The following RB1CC1 variants were observed in gnomAD, a reference collection of about 807,000 sequenced individuals.
The protein encoded by RB1CC1 is RB1-inducible coiled-coil protein 1.
A neutral mutation model predicts 177.5 loss-of-function variants in RB1CC1; 46 were observed. The observed-to-expected ratio is 0.26, with a 90% confidence interval of 0.20 to 0.33. The LOEUF (loss-of-function observed/expected upper bound fraction) is 0.33, where lower values mean the gene tolerates loss of function less well. Ranked by LOEUF, RB1CC1 falls within the 10% of genes least tolerant of loss-of-function variation. The pLI, the probability that RB1CC1 is intolerant of heterozygous loss-of-function variation, is 1.00. For missense variants in RB1CC1, 1,703 were observed against 1,816.3 expected, an observed-to-expected ratio of 0.94 and a Z score of 1.13; for synonymous variants, 666 against 613.6, an observed-to-expected ratio of 1.09 and a Z score of -1.26.
rs112231052 is a variant in RB1CC1, at chr8:52,657,171, T to C, written c.2658A>G (p.Glu886=). 1.6e-5 allele frequency: 25 copies of C among 1,607,198 alleles called. No homozygotes were observed. Among genetic ancestry groups the C allele is most frequent in the Non-Finnish European group, 2.1e-5 (25 of 1,174,702 alleles). Residue 886 remains glutamate (E), a synonymous_variant, in exon 15 of 24, where the codon GAA becomes GAG. Coordinates refer to ENST00000025008, the MANE Select transcript of RB1CC1 (RefSeq NM_014781.5). ...GKLDGLIKET[E]ENENKIKKLK... ...ATTTTTTAATTTTGTTTTCATTCTC[T>C]TCAGTTTCCTTTATTAGTCCGTCAA...
intron 5 of RB1CC1, among the ~76,000 whole-genome samples, chr8:52,678,319 A>T (rs964806578): frequency 2.0e-5 from 3 of 152,194 alleles, no homozygotes; most frequent in Non-Finnish European, 4.4e-5. Context: ...GGGGAAGCTG[A>T]GGGAGGAGAA....
At chr8:52,647,867 G>GA (rs1850194372) in intron 15 of RB1CC1, among the ~76,000 whole-genome samples, 2 of 152,108 alleles carry the variant, frequency 1.3e-5, no homozygotes, top group Admixed American at 1.3e-4. Flanking sequence ...ATATTAGTAA[G>GA]AAATGTGGCA....
At chr8:52,676,992 A>G (rs1853193108) in intron 5 of RB1CC1, among the ~76,000 whole-genome samples, 1 of 152,244 alleles carries the variant, frequency 6.6e-6, no homozygotes, top group African/African-American at 2.4e-5. Flanking sequence ...CAGATTTAGT[A>G]ACCCTAAATG....
intron 5 of RB1CC1, among the ~76,000 whole-genome samples, chr8:52,680,340 C>T (rs1307741740): frequency 6.6e-6 from 1 of 152,070 alleles, no homozygotes; most frequent in African/African-American, 2.4e-5. Flanking sequence ...TGGAAGAAGA[C>T]ACGGCTGAAA....
intron 1 of RB1CC1, among the ~76,000 whole-genome samples, chr8:52,688,549 C>G (rs184557360): frequency 5.3e-5 from 8 of 152,264 alleles, no homozygotes; most frequent in African/African-American, 9.6e-5. Flanking sequence ...ACCCTGTTTT[C>G]TGTTGTTTAA....
chr8:52,628,366 T>C (rs1160781330), intron 21 of RB1CC1, among the ~76,000 whole-genome samples, 198 bp from the exon 22 acceptor site: 1 of 152,236 alleles, frequency 6.6e-6, no homozygotes, highest in African/African-American at 2.4e-5. Context: ...ATTCAAAGGA[T>C]GATGTCAGGG....
At position 52,673,285 on chromosome 8, in the gene RB1CC1, T is replaced by C. The variant is rs978353916; in HGVS notation, c.1002+560A>G. On this transcript the variant is annotated intron_variant, in intron 7 of 23. Transcript: ENST00000025008. Reference sequence around the variant, plus strand: ...ATTTTGCATCAGTTTGCAGATCAGATATGAAGGGGTATTTATTCCTCAGGT... The same window carrying C: ...ATTTTGCATCAGTTTGCAGATCAGACATGAAGGGGTATTTATTCCTCAGGT... Among the ~76,000 whole-genome samples the C allele has an allele frequency of 1.7e-4, 26 of 152,228 alleles. 1 individual carries two copies. Among genetic ancestry groups the C allele is most frequent in the Admixed American group, 1.6e-3 (24 of 15,288 alleles).
At chr8:52,636,479 C>T (rs190497870) in intron 18 of RB1CC1, among the ~76,000 whole-genome samples, 44 of 152,220 alleles carry the variant, frequency 2.9e-4, no homozygotes, top group Non-Finnish European at 2.6e-4. Flanking sequence ...TTGCCCAATA[C>T]ACTAAAACAT....
chr8:52,710,789 T>C (rs940351320), intron 1 of RB1CC1, among the ~76,000 whole-genome samples: 1 of 152,172 alleles, frequency 6.6e-6, no homozygotes, highest in African/African-American at 2.4e-5. Context: ...CTGCATTCTA[T>C]TAAACCAAGA....
intron 1 of RB1CC1, among the ~76,000 whole-genome samples, chr8:52,696,095 A>G (rs1360951336): frequency 6.6e-6 from 1 of 152,194 alleles, no homozygotes. Flanking sequence ...CCCAGACTGG[A>G]GTGCAATGGC....
intron 18 of RB1CC1, among the ~76,000 whole-genome samples, chr8:52,638,201 G>GT (rs1204309644): frequency 6.6e-6 from 1 of 152,096 alleles, no homozygotes; most frequent in Non-Finnish European, 1.5e-5. Flanking sequence ...AGGCTGTTGG[G>GT]TTTTGTCAAA....
chr8:52,709,685 C>T (rs1856894827), intron 1 of RB1CC1, among the ~76,000 whole-genome samples: 1 of 152,178 alleles, frequency 6.6e-6, no homozygotes, highest in Non-Finnish European at 1.5e-5. Context: ...TTGTAGTGAG[C>T]CTAGATCACA....
At chr8:52,675,888 G>GAAAAAA (rs1268855883) in intron 6 of RB1CC1, among the ~76,000 whole-genome samples, 3 of 72,106 alleles carry the variant, frequency 4.2e-5, no homozygotes, top group East Asian at 4.0e-4. Context: ...CTCCGTCTCA[G>GAAAAAA]AAAAAAAAAA....
chr8:52,669,161 A>G (rs931375086), intron 7 of RB1CC1, among the ~76,000 whole-genome samples: 1 of 152,192 alleles, frequency 6.6e-6, no homozygotes, highest in African/African-American at 2.4e-5. Context: ...TTATTGACTT[A>G]CTATGCTTGT....
intron 7 of RB1CC1, among the ~76,000 whole-genome samples, chr8:52,671,880 G>A (rs1852637133): frequency 6.6e-6 from 1 of 151,858 alleles, no homozygotes; most frequent in African/African-American, 2.4e-5. Flanking sequence ...AAAATCTAAT[G>A]GGCATATACA....
rs551040466 is a variant in RB1CC1, at chr8:52,697,033, C to A, written c.-166-10066G>T. Among the ~76,000 whole-genome samples the A allele has an allele frequency of 5.9e-5, 9 of 152,004 alleles. No homozygotes were observed. In the South Asian group the frequency reaches 1.9e-3, roughly 32 times the overall value. ...AAAACAAAACAAAACAAAAAAGATA[C>A]GTATTTCAGTCCATTTATATGGAAA... is the stretch of plus-strand genomic sequence containing the variant. On this transcript the variant is annotated intron_variant, in intron 1 of 23. Transcript: ENST00000025008.
chr8:52,682,538 T>A (rs998254219), intron 5 of RB1CC1, among the ~76,000 whole-genome samples: 5 of 152,172 alleles, frequency 3.3e-5, no homozygotes, highest in African/African-American at 1.2e-4. Flanking sequence ...ATTTCTGACA[T>A]TTTATCTTTT....
intron 1 of RB1CC1, among the ~76,000 whole-genome samples, chr8:52,704,845 C>A (rs1414011854): frequency 6.6e-6 from 1 of 152,128 alleles, no homozygotes; most frequent in Non-Finnish European, 1.5e-5. Flanking sequence ...TTACTTTTCA[C>A]CAAATAGTCA....
At chr8:52,641,561 G>A (rs1421896463) in intron 18 of RB1CC1, among the ~76,000 whole-genome samples, 1 of 152,038 alleles carries the variant, frequency 6.6e-6, no homozygotes, top group Non-Finnish European at 1.5e-5. Context: ...ACTTGAACCT[G>A]GATCTGTTTG....
Sources: allele counts gnomAD v4.1 joint callset (sites outside exome capture counted in the v4.1 genomes callset), GRCh38; gene constraint gnomAD v4.1.1; transcripts MANE v1.5; gene names NCBI Gene and HGNC (gene_info 2026-07-23, HGNC 2026-07-21).